ZC2HC1A: variants seen among roughly 807,000 people sequenced by gnomAD.
ZC2HC1A encodes zinc finger C2HC-type containing 1A.
A neutral mutation model predicts 40.7 loss-of-function variants in ZC2HC1A; 28 were observed. That is an observed-to-expected ratio of 0.69 (90% confidence interval 0.51 to 0.94). The LOEUF (loss-of-function observed/expected upper bound fraction) is 0.94, where lower values mean the gene tolerates loss of function less well. Ranked by LOEUF, ZC2HC1A falls within the 40% of genes least tolerant of loss-of-function variation. The probability of loss-of-function intolerance (pLI) is 0.00; values close to 1 mark genes in which losing one functional copy is unlikely to be tolerated. For synonymous variants in ZC2HC1A, 129 were observed against 129.2 expected, an observed-to-expected ratio of 1.00 and a Z score of 0.01; for missense variants, 389 against 386.3, an observed-to-expected ratio of 1.01 and a Z score of -0.06.
chr8:78,704,405 A>G, intron 7 of ZC2HC1A, among the ~76,000 whole-genome samples: 1 of 151,750 alleles, frequency 6.6e-6, no homozygotes, highest in East Asian at 1.9e-4. Flanking sequence ...AAAAAAAAAA[A>G]AGAATGTTAA....
chr8:78,690,420 C>T (rs1052467643), intron 5 of ZC2HC1A, among the ~76,000 whole-genome samples: 4 of 151,944 alleles, frequency 2.6e-5, no homozygotes, highest in East Asian at 1.9e-4. Flanking sequence ...ATTAGCTGGA[C>T]GTGGTGGCGG....
chr8:78,672,055 A>G (rs756409366), intron 1 of ZC2HC1A, among the ~76,000 whole-genome samples: 2 of 152,164 alleles, frequency 1.3e-5, no homozygotes, highest in Non-Finnish European at 2.9e-5. Context: ...CATAGTTCTC[A>G]GTGACAGAGC....
chr8:78,715,415 A>C (rs1811070191), intron 8 of ZC2HC1A, 87 bp downstream of exon 8: 1 of 1,218,970 alleles, frequency 8.2e-7, no homozygotes, highest in African/African-American at 1.6e-5. Context: ...GTAAGTAACA[A>C]GCTATTTATA....
intron 5 of ZC2HC1A, among the ~76,000 whole-genome samples, chr8:78,695,048 GA>G (rs1356433673): frequency 6.6e-6 from 1 of 152,080 alleles, no homozygotes; most frequent in African/African-American, 2.4e-5. Context: ...ATATAGCTCA[GA>G]AAGGAAGGAG....
chr8:78,688,350 A>G (rs946894584), intron 4 of ZC2HC1A, among the ~76,000 whole-genome samples: 2 of 152,118 alleles, frequency 1.3e-5, no homozygotes, highest in African/African-American at 2.4e-5. Context: ...TGGGCCTGAC[A>G]AAAACAGCTT....
intron 3 of ZC2HC1A, among the ~76,000 whole-genome samples, chr8:78,682,515 A>G (rs1376648666): frequency 6.6e-6 from 1 of 152,128 alleles, no homozygotes; most frequent in Admixed American, 6.5e-5. Flanking sequence ...CGCAAGACTT[A>G]TTCACTATCA....
At chr8:78,706,809 G>A (rs1161268770) in intron 7 of ZC2HC1A, among the ~76,000 whole-genome samples, 1 of 151,944 alleles carries the variant, frequency 6.6e-6, no homozygotes, top group Non-Finnish European at 1.5e-5. Flanking sequence ...ACTACATTTT[G>A]CTTCTCAATT....
At chr8:78,689,691 A>G (rs1035904594) in intron 5 of ZC2HC1A, among the ~76,000 whole-genome samples, 1 of 152,006 alleles carries the variant, frequency 6.6e-6, no homozygotes, top group African/African-American at 2.4e-5. Context: ...ATCGAGTGAA[A>G]GACCTTGTTA....
At chr8:78,712,418 G>A (rs1172788118) in intron 7 of ZC2HC1A, among the ~76,000 whole-genome samples, 2 of 151,826 alleles carry the variant, frequency 1.3e-5, no homozygotes, top group African/African-American at 2.4e-5. Flanking sequence ...AGGGTTTTTT[G>A]TAATAGTAGT....
chr8:78,714,877 G>A (rs541231491), intron 7 of ZC2HC1A, among the ~76,000 whole-genome samples: 15 of 151,926 alleles, frequency 9.9e-5, no homozygotes, highest in Admixed American at 5.2e-4. Flanking sequence ...ACCATTATCC[G>A]TAAGCATTTA....
chr8:78,693,473 T>C (rs1252038366), intron 5 of ZC2HC1A, among the ~76,000 whole-genome samples: 1 of 152,240 alleles, frequency 6.6e-6, no homozygotes, highest in African/African-American at 2.4e-5. Flanking sequence ...TGCATTTCTC[T>C]GATGGCCAGT....
intron 6 of ZC2HC1A, 32 bp from the exon 7 acceptor site, chr8:78,698,382 T>C: frequency 6.5e-7 from 1 of 1,542,012 alleles, no homozygotes; most frequent in Non-Finnish European, 8.9e-7. Context: ...TTTTTTAGAG[T>C]ATTGTTAAAA....
At chr8:78,696,919 T>G (rs1401945596) in intron 5 of ZC2HC1A, among the ~76,000 whole-genome samples, 1 of 152,198 alleles carries the variant, frequency 6.6e-6, no homozygotes, top group Non-Finnish European at 1.5e-5. Flanking sequence ...CTAATGTTTG[T>G]TTGGTGTTTA....
At chr8:78,698,359 GTT>G in intron 6 of ZC2HC1A, 53 bp from the exon 7 acceptor site, 1 of 1,431,586 alleles carries the variant, frequency 7.0e-7, no homozygotes, top group East Asian at 2.4e-5. Flanking sequence ...TAGATGCTCT[GTT>G]TTATGTAACC....
At chr8:78,669,906 T>C (rs902197345) in intron 1 of ZC2HC1A, among the ~76,000 whole-genome samples, 1 of 152,088 alleles carries the variant, frequency 6.6e-6, no homozygotes, top group African/African-American at 2.4e-5. Flanking sequence ...TGCCTCATGC[T>C]AGGTGCTCAA....
At chr8:78,689,171 T>C (rs769902001) in intron 4 of ZC2HC1A, 51 bp from the exon 5 acceptor site, 1 of 1,311,870 alleles carries the variant, frequency 7.6e-7, no homozygotes, top group East Asian at 2.7e-5. Context: ...TTTTTTAATG[T>C]CCGTTTCAAG....
intron 7 of ZC2HC1A, among the ~76,000 whole-genome samples, chr8:78,714,093 G>T (rs954917675): frequency 6.6e-6 from 1 of 152,056 alleles, no homozygotes; most frequent in African/African-American, 2.4e-5. Context: ...AAAGTATTCT[G>T]CTGTTCATAT....
At chr8:78,709,117 C>T (rs1321497075) in intron 7 of ZC2HC1A, among the ~76,000 whole-genome samples, 1 of 152,104 alleles carries the variant, frequency 6.6e-6, no homozygotes, top group East Asian at 1.9e-4. Flanking sequence ...TAATAATTTT[C>T]AATAGTGAAA....
intron 7 of ZC2HC1A, 68 bp downstream of exon 7, chr8:78,698,581 T>C: frequency 2.5e-6 from 3 of 1,192,872 alleles, no homozygotes; most frequent in Non-Finnish European, 3.4e-6. Context: ...TGTTATGTTT[T>C]GATAATTGCT....
Sources: gnomAD v4.1 joint callset for allele counts (sites outside exome capture counted in the v4.1 genomes callset) on GRCh38, gnomAD v4.1.1 for gene constraint, MANE v1.5 for transcripts, NCBI Gene and HGNC (gene_info 2026-07-23, HGNC 2026-07-21) for gene names.